CD1B: variants seen among roughly 807,000 people sequenced by gnomAD.
CD1B encodes the protein T-cell surface glycoprotein CD1b.
In CD1B, 43 loss-of-function variants were observed where a neutral mutation model predicts 39.8. That is an observed-to-expected ratio of 1.08 (90% CI 0.85 to 1.39). CD1B has a LOEUF of 1.39. Among genes scored for constraint, CD1B ranks in the 40% most tolerant of loss-of-function variants. CD1B has a pLI of 0.00. For synonymous variants in CD1B, 192 were observed against 152.5 expected (o/e 1.26, Z -1.91); for missense variants, 495 against 403.8 (o/e 1.23, Z -1.94).
At chr1:158,298,392 G>A in the CD1B span, among the ~76,000 whole-genome samples, 1 of 152,150 alleles carries the variant, frequency 6.6e-6, no homozygotes, top group Admixed American at 6.5e-5. Context: ...TTGACCAAAT[G>A]GACCTAATAA....
chr1:158,331,345 T>C lies in CD1B; in HGVS notation c.61+18A>G, dbSNP rs1455470638. 1.2e-6 allele frequency: 2 copies of C among 1,610,870 alleles called. No individual in the cohort carries two copies. The highest frequency in any genetic ancestry group is 1.7e-5 in the Admixed American group (1 of 59,992). ...AAACCCCTGCACCAGTGCTGGGAGC[T>C]GCCAGAGTGACTCTTACCATGTTCA... On this transcript the variant is annotated intron_variant, in intron 1 of 5. Coordinates refer to ENST00000368168, the MANE Select transcript of CD1B (RefSeq NM_001764.3).
chr1:158,301,393 T>C, the CD1B span, among the ~76,000 whole-genome samples: 1 of 152,234 alleles, frequency 6.6e-6, no homozygotes, highest in Non-Finnish European at 1.5e-5. Context: ...CAATGGTCTT[T>C]ACAATTTGGC....
chr1:158,289,978 T>G, the CD1B span: 1 of 1,213,110 alleles, frequency 8.2e-7, no homozygotes, highest in Admixed American at 1.8e-5. Context: ...TAGAAGGAAG[T>G]CAGAATATAG....
downstream of CD1B, among the ~76,000 whole-genome samples, chr1:158,323,726 C>T (rs1652263772): frequency 1.3e-5 from 2 of 152,206 alleles, no homozygotes; most frequent in African/African-American, 4.8e-5. Context: ...AGCCTAGGTT[C>T]ACTGTGAGTC....
downstream of CD1B, among the ~76,000 whole-genome samples, chr1:158,326,195 AT>A (rs1652346643): frequency 1.3e-5 from 2 of 152,182 alleles, no homozygotes; most frequent in Admixed American, 1.3e-4. Flanking sequence ...GATGGTCTCA[AT>A]CAACTGACCT....
At chr1:158,298,935 T>C in the CD1B span, among the ~76,000 whole-genome samples, 1 of 152,212 alleles carries the variant, frequency 6.6e-6, no homozygotes, top group African/African-American at 2.4e-5. Context: ...TGGGGTTTTC[T>C]AAATATACAA....
the CD1B span, among the ~76,000 whole-genome samples, chr1:158,316,745 A>C: frequency 6.6e-6 from 1 of 151,562 alleles, no homozygotes; most frequent in South Asian, 2.1e-4. Flanking sequence ...CAGTTTTCAA[A>C]GTGAATACTT....
the CD1B span, chr1:158,293,388 C>A: frequency 6.3e-7 from 1 of 1,594,692 alleles, no homozygotes; most frequent in South Asian, 1.1e-5. Context: ...CTATTGACTA[C>A]TCCACCTTAT....
the CD1B span, among the ~76,000 whole-genome samples, chr1:158,317,388 T>C: frequency 3.9e-5 from 6 of 152,356 alleles, no homozygotes; most frequent in South Asian, 1.2e-3. Context: ...GGTTTAGTCT[T>C]GGGAGAGTGT....
At chr1:158,293,720 C>T in the CD1B span, 79 of 858,434 alleles carry the variant, frequency 9.2e-5, no homozygotes, top group Admixed American at 1.3e-3. Context: ...TTCCTTGACC[C>T]ATACTGAACC....
the CD1B span, chr1:158,292,144 GCTT>G: frequency 2.5e-6 from 4 of 1,614,150 alleles, no homozygotes; most frequent in Non-Finnish European, 3.4e-6. Flanking sequence ...AGCCCAGAAG[GCTT>G]CTTTCAGGTA....
the CD1B span, chr1:158,291,351 T>C: frequency 1.2e-6 from 2 of 1,614,194 alleles, no homozygotes; most frequent in Non-Finnish European, 1.7e-6. Context: ...TCTACCTCTT[T>C]GGATTAACTC....
At chr1:158,303,727 A>G in the CD1B span, among the ~76,000 whole-genome samples, 1 of 152,218 alleles carries the variant, frequency 6.6e-6, no homozygotes, top group Non-Finnish European at 1.5e-5. Flanking sequence ...AAAGTGAAAG[A>G]TCTCTACAAC....
At chr1:158,313,874 T>C in the CD1B span, among the ~76,000 whole-genome samples, 2 of 152,198 alleles carry the variant, frequency 1.3e-5, no homozygotes, top group African/African-American at 4.8e-5. Flanking sequence ...ATTTTCTGTT[T>C]CTTCATGATT....
chr1:158,314,033 A>AT, the CD1B span, among the ~76,000 whole-genome samples: 1 of 151,856 alleles, frequency 6.6e-6, no homozygotes, highest in African/African-American at 2.4e-5. Flanking sequence ...CTATGATTTT[A>AT]TTTTTTTGAC....
the CD1B span, among the ~76,000 whole-genome samples, chr1:158,318,313 T>C: frequency 1.3e-3 from 203 of 152,272 alleles, no homozygotes; most frequent in Middle Eastern, 3.4e-3. Flanking sequence ...TCTTTGTAGG[T>C]CACTCAGGAC....
At chr1:158,327,120 A>G (rs1276407535), downstream of CD1B, among the ~76,000 whole-genome samples, 1 of 152,152 alleles carries the variant, frequency 6.6e-6, no homozygotes, top group Non-Finnish European at 1.5e-5. Flanking sequence ...TAATTAATGG[A>G]CCAGCGCTGG....
At chr1:158,310,799 A>G in the CD1B span, among the ~76,000 whole-genome samples, 1 of 152,142 alleles carries the variant, frequency 6.6e-6, no homozygotes, top group Non-Finnish European at 1.5e-5. Context: ...TATTATTAAA[A>G]TGTCAAAAAA....
At chr1:158,305,307 G>A in the CD1B span, among the ~76,000 whole-genome samples, 11 of 152,152 alleles carry the variant, frequency 7.2e-5, no homozygotes, top group East Asian at 1.9e-4. Context: ...CTCAGTAGCC[G>A]ATGGGATCAA....
Sources: allele counts gnomAD v4.1 joint callset (sites outside exome capture counted in the v4.1 genomes callset), GRCh38; gene constraint gnomAD v4.1.1; transcripts MANE v1.5; gene names NCBI Gene and HGNC (gene_info 2026-07-23, HGNC 2026-07-21).